The following BBX variants were observed in gnomAD, a reference collection of about 807,000 sequenced individuals.
BBX encodes HMG box transcription factor BBX.
A neutral mutation model predicts 100.2 loss-of-function variants in BBX; 30 were observed. The ratio of observed to expected loss-of-function variants is 0.30; its 90% confidence interval spans 0.22 to 0.41. The LOEUF (loss-of-function observed/expected upper bound fraction) is 0.41, where lower values mean the gene tolerates loss of function less well. Among genes scored for constraint, BBX ranks in the 10% least tolerant of loss-of-function variants. The pLI is 1.00. For missense variants in BBX, 1,023 were observed against 1,129.8 expected (o/e 0.91, Z 1.35); for synonymous variants, 376 against 388.1 (o/e 0.97, Z 0.37).
rs543081068 is a variant in BBX at position 107,808,649 on chromosome 3, G to A, written c.*3192G>A. The A allele has an allele frequency of 6.6e-6, 1 of 152,196 alleles. No individual in the cohort carries two copies. The highest frequency in any genetic ancestry group is 2.1e-4 in the South Asian group (1 of 4,822). The allele number at this position is 152,196 out of a possible 1,614,324, so 9.4% of individuals were successfully genotyped here. On this transcript the variant is annotated 3_prime_UTR_variant, in exon 18 of 18. Transcript: ENST00000325805. ...ATCCTTAAAGTTTTTATTTGTTTGG[G>A]TACTGTATATGAGATCAGGAAAAAG... is the stretch of plus-strand genomic sequence containing the variant.
At chr3:107,551,087 TTAAA>T (rs1411079738) in intron 2 of BBX, among the ~76,000 whole-genome samples, 12 of 152,220 alleles carry the variant, frequency 7.9e-5, no homozygotes, top group South Asian at 2.1e-4. Context: ...AAAAAAAATG[TTAAA>T]TAAAGTTATT....
chr3:107,783,814 T>C (rs1351425446), intron 13 of BBX, among the ~76,000 whole-genome samples: 3 of 152,122 alleles, frequency 2.0e-5, no homozygotes, highest in Non-Finnish European at 4.4e-5. Flanking sequence ...ATTTATTTTC[T>C]TTTCTCTTGT....
intron 2 of BBX, among the ~76,000 whole-genome samples, chr3:107,533,919 T>C (rs2048325777): frequency 6.6e-6 from 1 of 152,196 alleles, no homozygotes; most frequent in African/African-American, 2.4e-5. Flanking sequence ...TATTGTTTTG[T>C]AGAGGTTCTA....
chr3:107,568,150 A>C lies in BBX; in HGVS notation c.-84+41752A>C, dbSNP rs536844591. 2.6e-5 allele frequency among the ~76,000 whole-genome samples: 4 copies of C among 151,536 alleles called. No homozygotes were observed. The East Asian group carries it at 7.7e-4, about 29-fold the overall frequency. On this transcript the variant is annotated intron_variant, in intron 2 of 17. Coordinates refer to ENST00000325805, the MANE Select transcript of BBX (RefSeq NM_001142568.3). ...TTATCCTTGCTACTCAGAATTTTTC[A>C]TTGATATGTTTTAGGTGTTTTTGTT... is the stretch of plus-strand genomic sequence containing the variant.
In BBX at chr3:107,728,885, G is replaced by C. The variant is rs774085889; in HGVS notation, c.526G>C (p.Asp176His). The change falls in exon 6 of 18, where the codon GAC becomes CAC. Residue 176 changes from aspartate to histidine, a missense_variant. By Grantham distance (81) the Asp-to-His change is moderately conservative. This residue lies in a region of BBX where 229 missense variants were observed against 226.3 expected (regional missense o/e 1.01). Transcript: ENST00000325805. Reference sequence around the variant, plus strand: ...AAAGAAACTTTGGGCCTTCCCATCTGACTCTTCAAGAGACTTGCCAAGCCC... The same window carrying C: ...AAAGAAACTTTGGGCCTTCCCATCTCACTCTTCAAGAGACTTGCCAAGCCC... Reference protein sequence around the residue: ...PRKKLWAFPSDSSRDLPSPKK... With the variant: ...PRKKLWAFPSHSSRDLPSPKK... 46 of 1,613,794 alleles carry C rather than the reference G, an allele frequency of 2.9e-5. No homozygotes were observed. The highest frequency in any genetic ancestry group is 3.8e-5 in the Non-Finnish European group (45 of 1,179,892).
chr3:107,737,302 C>CAG (rs1257504282), intron 7 of BBX, among the ~76,000 whole-genome samples: 7 of 40,262 alleles, frequency 1.7e-4, no homozygotes, highest in African/African-American at 4.8e-4. Context: ...CATACATACA[C>CAG]ACAGAGAGAG....
chr3:107,790,523 A>C (rs1056941614), intron 14 of BBX, among the ~76,000 whole-genome samples: 2 of 151,680 alleles, frequency 1.3e-5, no homozygotes, highest in African/African-American at 4.8e-5. Flanking sequence ...GGGCCTTTAA[A>C]CCTCTTCAGG....
At chr3:107,666,568 TATTC>T (rs970562561) in intron 3 of BBX, among the ~76,000 whole-genome samples, 1 of 152,206 alleles carries the variant, frequency 6.6e-6, no homozygotes, top group African/African-American at 2.4e-5. Context: ...TATGTCAAAT[TATTC>T]ATTATTTTTT....
chr3:107,729,270 TAC>T (rs1273991657), intron 6 of BBX, among the ~76,000 whole-genome samples: 2 of 152,072 alleles, frequency 1.3e-5, no homozygotes, highest in Admixed American at 1.3e-4. Context: ...CAAAATAGCT[TAC>T]ACACACACAT....
intron 5 of BBX, among the ~76,000 whole-genome samples, chr3:107,720,801 A>C (rs2062474179): frequency 6.6e-6 from 1 of 152,050 alleles, no homozygotes; most frequent in African/African-American, 2.4e-5. Flanking sequence ...CTTCAAGACA[A>C]AATGAATCTA....
In BBX at chr3:107,692,166, ATTATT is replaced by A. The variant is rs1287290954; in HGVS notation, c.-9-18279_-9-18275del. Among the ~76,000 whole-genome samples, 13 of 144,022 alleles carry A rather than the reference ATTATT, an allele frequency of 9.0e-5. No homozygotes were observed. The East Asian group carries it at 1.4e-3, about 15-fold the overall frequency. 94.5% of individuals were successfully genotyped at this position (144,022 alleles called of 152,430 possible). On this transcript the variant is annotated intron_variant, in intron 3 of 17. Transcript: ENST00000325805. Reference sequence around the variant, plus strand: ...TGATAGAAAACATCCAGATTTTTTAATTATTTTATTTATTTATTTATTTATTTATT... The same window carrying A: ...TGATAGAAAACATCCAGATTTTTTAATTATTTATTTATTTATTTATTTATT...
chr3:107,652,683 A>G (rs2057909618), intron 3 of BBX, among the ~76,000 whole-genome samples: 2 of 152,198 alleles, frequency 1.3e-5, no homozygotes, highest in Admixed American at 1.3e-4. Flanking sequence ...AAGTATTTTT[A>G]TATTGAAGTC....
intron 2 of BBX, among the ~76,000 whole-genome samples, chr3:107,555,070 AAACAACAACAACAAC>A (rs77709627): frequency 6.6e-6 from 1 of 150,954 alleles, no homozygotes; most frequent in African/African-American, 2.4e-5. Context: ...CTCCGTCTCA[AAACAACAACAACAAC>A]AACAACAACA....
At chr3:107,681,466 C>T (rs2059570931) in intron 3 of BBX, among the ~76,000 whole-genome samples, 1 of 151,968 alleles carries the variant, frequency 6.6e-6, no homozygotes, top group South Asian at 2.1e-4. Flanking sequence ...ATTCGTGGGA[C>T]ATTATTTGGG....
intron 3 of BBX, among the ~76,000 whole-genome samples, chr3:107,675,338 G>A (rs2059228583): frequency 6.6e-6 from 1 of 152,124 alleles, no homozygotes; most frequent in Non-Finnish European, 1.5e-5. Context: ...GAGCACCTGC[G>A]GAGGAAATCG....
intron 2 of BBX, among the ~76,000 whole-genome samples, chr3:107,606,897 C>T (rs1434384062): frequency 6.6e-6 from 1 of 152,050 alleles, no homozygotes; most frequent in Non-Finnish European, 1.5e-5. Flanking sequence ...TTCCTTATAA[C>T]GACTTTTTTA....
At chr3:107,635,276 G>A (rs886424971) in intron 2 of BBX, among the ~76,000 whole-genome samples, 24 of 152,234 alleles carry the variant, frequency 1.6e-4, no homozygotes, top group African/African-American at 4.6e-4. Flanking sequence ...TCACTGAAGC[G>A]AAACACTGTA....
chr3:107,786,818 C>T (rs142867307), intron 13 of BBX, among the ~76,000 whole-genome samples: 5 of 152,198 alleles, frequency 3.3e-5, no homozygotes, highest in Admixed American at 1.3e-4. Context: ...AAATCTTCTG[C>T]GCTTCAAAGA....
chr3:107,549,224 T>C (rs1054946289), intron 2 of BBX, among the ~76,000 whole-genome samples: 1 of 152,170 alleles, frequency 6.6e-6, no homozygotes. Flanking sequence ...ACTCAATAAA[T>C]GGGGTAGGCT....
Sources: gnomAD v4.1 joint callset for allele counts (sites outside exome capture counted in the v4.1 genomes callset) on GRCh38, gnomAD v4.1.1 for gene constraint, gnomAD v4.1.1 regional missense constraint, MANE v1.5 for transcripts, NCBI Gene and HGNC (gene_info 2026-07-23, HGNC 2026-07-21) for gene names.